The following BCLAF3 variants were observed in gnomAD, a reference collection of about 807,000 sequenced individuals.
BCLAF3 encodes the protein BCLAF1 and THRAP3 family member 3.
Under a neutral mutation model 51.2 loss-of-function variants are expected in BCLAF3, and 24 were observed. The ratio of observed to expected loss-of-function variants is 0.47; its 90% confidence interval spans 0.34 to 0.66. BCLAF3 has a LOEUF of 0.66. Among genes scored for constraint, BCLAF3 ranks in the 30% least tolerant of loss-of-function variants. The pLI is 0.01. For missense variants in BCLAF3, 465 were observed against 525.1 expected (o/e 0.89, Z 1.12); for synonymous variants, 152 against 176.6 (o/e 0.86, Z 1.10).
intron 8 of BCLAF3, among the ~76,000 whole-genome samples, chrX:19,940,577 A>G (rs2070984579): frequency 9.0e-6 from 1 of 110,897 alleles, no homozygotes; most frequent in African/African-American, 3.3e-5. Context: ...AATTTCATCC[A>G]TGTCCCTACA....
intron 5 of BCLAF3, 48 bp from the exon 6 acceptor site, chrX:19,953,940 C>A: frequency 8.5e-7 from 1 of 1,174,621 alleles, no homozygotes; most frequent in Non-Finnish European, 1.1e-6. Context: ...GCTGATTTCA[C>A]TTAAAAGATT....
chrX:19,983,454 T>C (rs954590199), intron 1 of BCLAF3, among the ~76,000 whole-genome samples: 1 of 106,560 alleles, frequency 9.4e-6, no homozygotes, highest in African/African-American at 3.4e-5. Flanking sequence ...TGGTGGCTCA[T>C]GCCTGTAATC....
At position 19,966,419 on chromosome X, in the gene BCLAF3, TA is replaced by T; in HGVS notation, c.271del (p.Tyr91IlefsTer69). 1.7e-6 allele frequency: 2 copies of T among 1,211,723 alleles called. No homozygotes were observed. The highest frequency in any genetic ancestry group is 2.2e-6 in the Non-Finnish European group (2 of 895,386). On this transcript the variant is annotated frameshift_variant, in exon 3 of 12. Transcript: ENST00000379682. LOFTEE classifies it high-confidence loss of function. ...ATATCCTCTGTGAGGCTTATACATA[TA>T]AACATTTTCTAAAGAGTTTCTTATG... ...PNIRNSLENV[Y>X]MYKPHRGYSP... is the part of the protein sequence containing the mutation.
chrX:19,976,266 T>C (rs770727405), intron 1 of BCLAF3, among the ~76,000 whole-genome samples: 6 of 112,370 alleles, frequency 5.3e-5, no homozygotes, highest in African/African-American at 1.9e-4. Flanking sequence ...CATGAAAAGA[T>C]ACTCCACCCT....
chrX:19,959,018 C>T (rs1212548748), intron 4 of BCLAF3, among the ~76,000 whole-genome samples: 1 of 112,448 alleles, frequency 8.9e-6, no homozygotes, highest in Non-Finnish European at 1.9e-5. Flanking sequence ...CAGCCCTCTC[C>T]TATCAGCTGA....
intron 1 of BCLAF3, among the ~76,000 whole-genome samples, chrX:19,987,788 A>AG (rs954465837): frequency 2.7e-5 from 3 of 112,320 alleles, no homozygotes; most frequent in African/African-American, 9.7e-5. Context: ...TGGTTTACTA[A>AG]GTGTTGTACA....
intron 10 of BCLAF3, among the ~76,000 whole-genome samples, chrX:19,931,787 T>G (rs1317602986): frequency 8.9e-6 from 1 of 112,292 alleles, no homozygotes; most frequent in Non-Finnish European, 1.9e-5. Flanking sequence ...GATCCACCTC[T>G]TTTCCTTTAG....
intron 5 of BCLAF3, among the ~76,000 whole-genome samples, chrX:19,954,901 C>T (rs888472793): frequency 6.3e-5 from 7 of 111,663 alleles, no homozygotes; most frequent in East Asian, 2.8e-4. Context: ...GTATTTATTA[C>T]GCAACTCCCA....
intron 10 of BCLAF3, 46 bp downstream of exon 10, chrX:19,935,763 A>G: frequency 1.9e-6 from 2 of 1,041,216 alleles, no homozygotes; most frequent in Non-Finnish European, 2.7e-6. Context: ...TTGTGTCCAA[A>G]GCATAAAACC....
chrX:19,967,172 C>A (rs1229536312), intron 2 of BCLAF3, among the ~76,000 whole-genome samples: 2 of 111,638 alleles, frequency 1.8e-5, no homozygotes, highest in African/African-American at 6.5e-5. Context: ...AACTCAGACC[C>A]AAGCCAGGCC....
At chrX:19,940,285 T>A (rs1271794200) in intron 8 of BCLAF3, among the ~76,000 whole-genome samples, 2 of 109,562 alleles carry the variant, frequency 1.8e-5, no homozygotes, top group African/African-American at 3.3e-5. Flanking sequence ...TATTTTTTTT[T>A]TTTTATTATA....
chrX:19,977,683 C>T (rs956788504), intron 1 of BCLAF3, among the ~76,000 whole-genome samples: 8 of 112,602 alleles, frequency 7.1e-5, no homozygotes, highest in African/African-American at 1.9e-4. Flanking sequence ...TCCAGAAGAT[C>T]GCTGATGAAG....
intron 1 of BCLAF3, among the ~76,000 whole-genome samples, chrX:19,977,816 T>C (rs1012527802): frequency 9.0e-6 from 1 of 111,723 alleles, no homozygotes. Context: ...CCTGACTCTC[T>C]TGTTAGGGGC....
chrX:19,940,251 G>C (rs373841019), intron 8 of BCLAF3, among the ~76,000 whole-genome samples: 5 of 104,460 alleles, frequency 4.8e-5, no homozygotes, highest in African/African-American at 1.8e-4. Context: ...ATTTCAAGAA[G>C]TCTTTATTTT....
chrX:19,971,193 G>A (rs927707084), intron 1 of BCLAF3, among the ~76,000 whole-genome samples: 2 of 111,910 alleles, frequency 1.8e-5, no homozygotes, highest in East Asian at 2.8e-4. Flanking sequence ...AGGCTCCAGC[G>A]ATGCTCGACC....
intron 4 of BCLAF3, among the ~76,000 whole-genome samples, chrX:19,956,481 A>C (rs1395958927): frequency 8.9e-6 from 1 of 111,981 alleles, no homozygotes; most frequent in East Asian, 2.8e-4. Flanking sequence ...TTGAGCATTC[A>C]AATGAACATG....
Position 19,965,418 on chromosome X carries a change from A to C in BCLAF3, c.900T>G (p.Thr300=). ...DGDQDFSDGR[T]QKYCKEEDRK... ...TATCTTCTTCCTTACAGTACTTCTG[A>C]GTTCTCCCATCAGAAAAGTCCTGGT... is the stretch of plus-strand genomic sequence containing the variant. The change falls in exon 4 of 12, where the codon ACT becomes ACG. Residue 300 remains threonine, a synonymous_variant. Coordinates refer to ENST00000379682, the MANE Select transcript of BCLAF3 (RefSeq NM_001367774.2). 3 of 1,211,602 alleles carry C rather than the reference A, an allele frequency of 2.5e-6. No homozygotes were observed. Among genetic ancestry groups the C allele is most frequent in the Non-Finnish European group, 3.4e-6 (3 of 895,453 alleles).
intron 8 of BCLAF3, among the ~76,000 whole-genome samples, chrX:19,948,615 C>T (rs921862820): frequency 9.3e-6 from 1 of 107,944 alleles, no homozygotes; most frequent in Non-Finnish European, 1.9e-5. Flanking sequence ...AAAAAAAATA[C>T]GAAAAATTAG....
chrX:19,950,549 A>G, intron 8 of BCLAF3, among the ~76,000 whole-genome samples: 1 of 112,357 alleles, frequency 8.9e-6, no homozygotes, highest in Non-Finnish European at 1.9e-5. Flanking sequence ...CCTACCCCAT[A>G]GTTTTTGTTG....
Sources: allele counts gnomAD v4.1 joint callset (sites outside exome capture counted in the v4.1 genomes callset), GRCh38; gene constraint gnomAD v4.1.1; transcripts MANE v1.5; gene names NCBI Gene and HGNC (gene_info 2026-07-23, HGNC 2026-07-21).